The following DNHD1 variants were observed in gnomAD, a reference collection of about 807,000 sequenced individuals.
The protein encoded by DNHD1 is dynein heavy chain domain-containing protein 1.
In DNHD1, 383 loss-of-function variants were observed where a neutral mutation model predicts 458.1. The observed-to-expected ratio is 0.84, with a 90% CI of 0.77 to 0.91. The LOEUF (loss-of-function observed/expected upper bound fraction) is 0.91, where lower values mean the gene tolerates loss of function less well. Ranked by LOEUF, DNHD1 falls within the 40% of genes least tolerant of loss-of-function variation. DNHD1 has a pLI of 0.00. For synonymous variants in DNHD1, 2,203 were observed against 2,376.9 expected (o/e 0.93, Z 2.13); for missense variants, 5,336 against 5,866.1 (o/e 0.91, Z 2.95).
At chr11:6,558,401 G>A in intron 25 of DNHD1, 84 bp from the exon 26 acceptor site, 1 of 1,537,082 alleles carries the variant, frequency 6.5e-7, no homozygotes. Context: ...GAGAAGATTG[G>A]GGCTAAGTGG....
In DNHD1 at chr11:6,567,666, G is replaced by A. The variant is rs764253529; in HGVS notation, c.12157G>A (p.Ala4053Thr). ...LWRVLRPECL[A>T]GALADFTTSL... is the part of the protein sequence containing the mutation. ...GCGCGTTCTGCGACCTGAGTGCCTG[G>A]CAGGTGCCCTGGCAGACTTCACCAC... is the stretch of plus-strand genomic sequence containing the variant. The change falls in exon 36 of 43, where the codon GCA becomes ACA. Residue 4053 changes from alanine to threonine, a missense_variant. By Grantham distance (58) the Ala-to-Thr change is moderately conservative. Transcript: ENST00000254579. 3 of 1,613,930 alleles carry A rather than the reference G, an allele frequency of 1.9e-6. No homozygotes were observed. The highest frequency in any genetic ancestry group is 1.7e-6 in the Non-Finnish European group (2 of 1,179,900).
rs772040277 is a variant in DNHD1 at position 6,533,798 on chromosome 11, G to C, written c.2623G>C (p.Asp875His). 6.4e-7 allele frequency: 1 copy of C among 1,551,486 alleles called. No individual in the cohort carries two copies. Among genetic ancestry groups the C allele is most frequent in the South Asian group, 1.2e-5 (1 of 84,022 alleles). Residue 875 changes from aspartate to histidine, a missense_variant, in exon 14 of 43, where the codon GAC (aspartate) becomes CAC (histidine). Transcript: ENST00000254579. Reference protein sequence around the residue: ...SLFSAENEALDISVRRQFGES... With the variant: ...SLFSAENEALHISVRRQFGES... Reference sequence around the variant, plus strand: ...CTTTAGTGCTGAGAATGAAGCACTGGACATCTCGGTGAGAAGGCAATTCGG... The same window carrying C: ...CTTTAGTGCTGAGAATGAAGCACTGCACATCTCGGTGAGAAGGCAATTCGG...
At chr11:6,527,065 T>TA (rs1231348293) in intron 10 of DNHD1, among the ~76,000 whole-genome samples, 2 of 152,244 alleles carry the variant, frequency 1.3e-5, no homozygotes, top group Admixed American at 6.5e-5. Flanking sequence ...CCTCATTTGT[T>TA]AAAAAATGCT....
Position 6,547,510 on chromosome 11 carries a change from C to A in DNHD1, c.6571C>A (p.Arg2191=). 6.4e-7 allele frequency: 1 copy of A among 1,550,906 alleles called. No homozygotes were observed. Among genetic ancestry groups the A allele is most frequent in the Non-Finnish European group, 8.7e-7 (1 of 1,146,298 alleles). ...TGAGGTTCTGGTGCCTGCAACATTG[C>A]GATTCCTCACCTGCCAAGGTGTCAG... The part of the protein sequence containing the change: ...MAEVLVPATL[R]FLTCQGVSSL... The change falls in exon 21 of 43, where the codon CGA becomes AGA. Residue 2191 remains arginine (R), a synonymous_variant. Coordinates refer to ENST00000254579, the MANE Select transcript of DNHD1 (RefSeq NM_144666.3).
In DNHD1 at chr11:6,558,045, C is replaced by T; in HGVS notation, c.8750C>T (p.Ser2917Phe). The change falls in exon 25 of 43, where the codon TCT becomes TTT. Residue 2917 changes from serine to phenylalanine, a missense_variant. By Grantham distance (155) the Ser-to-Phe change is radical (BLOSUM62 -2). Transcript: ENST00000254579. ...CAGGCCCATTTCTTTCATCTACCAT[C>T]TGGGTCAGAGGAGGCCATTCTCCAA... The part of the protein sequence containing the change: ...ICQAHFFHLP[S>F]GSEEAILQCL... The T allele has an allele frequency of 6.4e-7, 1 of 1,551,750 alleles. No homozygotes were observed. Among genetic ancestry groups the T allele is most frequent in the East Asian group, 2.4e-5 (1 of 40,922 alleles).
At chr11:6,523,731 A>C (rs1389613024) in intron 10 of DNHD1, among the ~76,000 whole-genome samples, 5 of 152,188 alleles carry the variant, frequency 3.3e-5, no homozygotes, top group Non-Finnish European at 7.3e-5. Context: ...TCACACCTGT[A>C]ATCCCAGCAC....
chr11:6,509,255 G>A lies in DNHD1; in HGVS notation c.1218G>A (p.Gly406=), dbSNP rs1454272336. The A allele has an allele frequency of 3.7e-6, 6 of 1,613,730 alleles. No homozygotes were observed. The highest frequency in any genetic ancestry group is 1.7e-4 in the Middle Eastern group (1 of 6,056). ...TGGCTGTGCCCCACTTTGGAGCTGG[G>A]CTACTCCATATTAGCAGGTGAGGTA... is the stretch of plus-strand genomic sequence containing the variant. ...LLLAVPHFGA[G]LLHISRLLQE... The change falls in exon 6 of 43, where the codon GGG becomes GGA. Residue 406 remains glycine (G), a synonymous_variant. Transcript: ENST00000254579.
rs768879537 is a variant in DNHD1, at chr11:6,564,662, C to T, written c.10614C>T (p.Gly3538=). The T allele has an allele frequency of 1.6e-5, 25 of 1,551,620 alleles. No individual in the cohort carries two copies. In the African/African-American group the frequency reaches 3.0e-4, roughly 19 times the overall value. The change falls in exon 32 of 43, where the codon GGC becomes GGT. Residue 3538 remains glycine, a synonymous_variant. Transcript: ENST00000254579. ...KPQAKSAHLA[G]LLLRSPTHYS... is the part of the protein sequence containing the mutation. The stretch of plus-strand genomic sequence containing the variant: ...AGGCAAAGTCGGCCCACCTGGCAGG[C>T]TTGCTTCTGCGAAGCCCCACACACT...
At chr11:6,565,012 T>C (rs2134456662) in intron 32 of DNHD1, among the ~76,000 whole-genome samples, 1 of 152,338 alleles carries the variant, frequency 6.6e-6, no homozygotes, top group Non-Finnish European at 1.5e-5. Flanking sequence ...GACTGATTGG[T>C]CCATGATCTT....
At position 6,557,070 on chromosome 11, in the gene DNHD1, A is replaced by ACT. The variant is rs778142109; in HGVS notation, c.7778_7779dup (p.Val2594LeufsTer2). On this transcript the variant is annotated frameshift_variant, in exon 25 of 43. Transcript: ENST00000254579. LOFTEE classifies it high-confidence loss of function. Reference sequence around the variant, plus strand: ...CACCCACACTACCACTTCTCCCTACACTCTGTGAGCCACCTACTGAGCAGC... The same window carrying ACT: ...CACCCACACTACCACTTCTCCCTACACTCTCTGTGAGCCACCTACTGAGCAGC... 3 of 1,551,446 alleles carry ACT rather than the reference A, an allele frequency of 1.9e-6. No individual in the cohort carries two copies. The Admixed American group carries it at 5.9e-5, about 30-fold the overall frequency.
chr11:6,530,075 A>G (rs1852795313), intron 12 of DNHD1, among the ~76,000 whole-genome samples: 1 of 152,190 alleles, frequency 6.6e-6, no homozygotes. Flanking sequence ...GAAACTGGTA[A>G]GCATTATATC....
rs74053420 is a variant in DNHD1, at chr11:6,563,735, C to A, written c.9895C>A (p.Leu3299Met). ...CAAGGAGAAGATAACAGACTCAGAGCTGATAAAGTTACATCTAATTCTGAA... is the reference window on the plus strand; with the variant it reads ...CAAGGAGAAGATAACAGACTCAGAGATGATAAAGTTACATCTAATTCTGAA... ...FPKEKITDSE[L>M]IKLHLILKAP... The change falls in exon 31 of 43, where the codon CTG becomes ATG. Residue 3299 changes from leucine to methionine, a missense_variant. By Grantham distance (15) the Leu-to-Met change is conservative. Around this residue, in one of 4 missense-constraint regions of DNHD1, gnomAD observed 3,932 missense variants for 4,365.6 expected, o/e 0.90. Transcript: ENST00000254579. 1,089 of 1,549,578 alleles carry A rather than the reference C, an allele frequency of 7.0e-4. 9 individuals are homozygous for A. In the African/African-American group the frequency reaches 0.013, roughly 18 times the overall value.
Position 6,572,010 on chromosome 11 carries a change from T to C in DNHD1, c.*24T>C, listed in dbSNP as rs750092338. The C allele has an allele frequency of 3.2e-6, 5 of 1,577,092 alleles. No homozygotes were observed. In the South Asian group the frequency reaches 4.7e-5, roughly 15 times the overall value. ...GAGCCCGTCTACCAAAATAAAGTTG[T>C]AGTGATTCCATGAAAGATTTCTGAG... On this transcript the variant is annotated 3_prime_UTR_variant, in exon 43 of 43. Coordinates refer to ENST00000254579, the MANE Select transcript of DNHD1 (RefSeq NM_144666.3).
chr11:6,551,676 C>G (rs190387465), intron 24 of DNHD1, among the ~76,000 whole-genome samples: 1 of 152,222 alleles, frequency 6.6e-6, no homozygotes, highest in Non-Finnish European at 1.5e-5. Flanking sequence ...GGCACTGTGG[C>G]TCACGCCTGT....
rs745638366 is a variant in DNHD1, at chr11:6,571,863, G to T, written c.14139G>T (p.Gly4713=). 1.9e-6 allele frequency: 3 copies of T among 1,614,012 alleles called. No individual in the cohort carries two copies. Among genetic ancestry groups the T allele is most frequent in the South Asian group, 1.1e-5 (1 of 91,084 alleles). Residue 4713 remains glycine, a synonymous_variant, in exon 43 of 43, where the codon GGG becomes GGT. Transcript: ENST00000254579. The surrounding 1 kb of genome is among the most constrained non-coding windows in gnomAD (Gnocchi z 5.0). The part of the protein sequence containing the change: ...TVYSCPVYMG[G]PLGTAKLQSR... ...ACTCGTGTCCTGTGTACATGGGAGGGCCCCTTGGCACCGCTAAGCTGCAGA... is the reference window on the plus strand; with the variant it reads ...ACTCGTGTCCTGTGTACATGGGAGGTCCCCTTGGCACCGCTAAGCTGCAGA...
chr11:6,530,086 C>T (rs10839572), intron 12 of DNHD1, among the ~76,000 whole-genome samples: 145,752 of 152,292 alleles, frequency 0.96, 70,080 homozygotes, highest in Middle Eastern at 1. Flanking sequence ...GCATTATATC[C>T]GCCCCTCTTT....
chr11:6,506,910 T>C (rs1054425141), intron 4 of DNHD1, among the ~76,000 whole-genome samples: 11 of 152,204 alleles, frequency 7.2e-5, no homozygotes, highest in African/African-American at 2.7e-4. Flanking sequence ...GTAATATTCG[T>C]TGAATGAATG....
intron 24 of DNHD1, among the ~76,000 whole-genome samples, chr11:6,552,380 T>G (rs1853373462): frequency 6.6e-6 from 1 of 151,838 alleles, no homozygotes; most frequent in East Asian, 1.9e-4. Flanking sequence ...AAAAATTAGC[T>G]GGGTGTGGTG....
In DNHD1 at chr11:6,556,741, T is replaced by C. The variant is rs1853469518; in HGVS notation, c.7446T>C (p.Thr2482=). 6.4e-7 allele frequency: 1 copy of C among 1,551,402 alleles called. No homozygotes were observed. The highest frequency in any genetic ancestry group is 8.7e-7 in the Non-Finnish European group (1 of 1,146,834). Residue 2482 remains threonine, a synonymous_variant, in exon 25 of 43, where the codon ACT becomes ACC. Transcript: ENST00000254579. The part of the protein sequence containing the change: ...LETLRQAMDG[T]VYAHSTLELQ... ...CTCTGCGCCAGGCCATGGATGGCAC[T>C]GTGTATGCCCACAGCACCTTGGAAC...
Sources: gnomAD v4.1 joint callset for allele counts (sites outside exome capture counted in the v4.1 genomes callset) on GRCh38, gnomAD v4.1.1 for gene constraint, gnomAD v4.1.1 regional missense constraint, Gnocchi (gnomAD v3.1) non-coding constraint, MANE v1.5 for transcripts, NCBI Gene and HGNC (gene_info 2026-07-23, HGNC 2026-07-21) for gene names.